Variants in KPNA1 observed in about 807,000 individuals in gnomAD.
KPNA1 encodes karyopherin subunit alpha 1, also known as importin subunit alpha-5.
In KPNA1, 10 loss-of-function variants were observed where a neutral mutation model predicts 70.5. The ratio of observed to expected loss-of-function variants is 0.14; its 90% CI spans 0.09 to 0.24. KPNA1 has a LOEUF of 0.24. Ranked by LOEUF, KPNA1 falls within the 10% of genes least tolerant of loss-of-function variation. The probability of loss-of-function intolerance (pLI) is 1.00; values close to 1 mark genes in which losing one functional copy is unlikely to be tolerated. For synonymous variants in KPNA1, 192 were observed against 221.9 expected (o/e 0.87, Z 1.20); for missense variants, 397 against 637.9 (o/e 0.62, Z 4.07).
rs1158948538 is a variant in KPNA1, at chr3:122,426,407, G to T, written c.*578C>A. ...GTTTAACTTTAATATCTGAAGAATG[G>T]CGCCAATAGAGGAAAGAAAACCATC... On this transcript the variant is annotated 3_prime_UTR_variant, in exon 14 of 14. Transcript: ENST00000344337. 6.6e-6 allele frequency: 1 copy of T among 152,570 alleles called. No individual in the cohort carries two copies. Among genetic ancestry groups the T allele is most frequent in the Non-Finnish European group, 1.5e-5 (1 of 68,030 alleles). The allele number at this position is 152,570 out of a possible 1,614,324, so 9.5% of individuals were successfully genotyped here.
At chr3:122,499,593 A>G (rs753194296) in intron 1 of KPNA1, among the ~76,000 whole-genome samples, 7 of 152,088 alleles carry the variant, frequency 4.6e-5, no homozygotes, top group Non-Finnish European at 1.0e-4. Context: ...TCTCTACAAA[A>G]AATTTAAAAA....
intron 10 of KPNA1, among the ~76,000 whole-genome samples, chr3:122,438,695 T>C (rs1465484094): frequency 6.6e-6 from 1 of 152,210 alleles, no homozygotes; most frequent in Non-Finnish European, 1.5e-5. Flanking sequence ...CAGGTATTTC[T>C]TTATAGCAAT....
intron 1 of KPNA1, among the ~76,000 whole-genome samples, chr3:122,500,295 T>A (rs1297761634): frequency 2.6e-5 from 4 of 152,008 alleles, no homozygotes; most frequent in Non-Finnish European, 5.9e-5. Flanking sequence ...CTACTTTTTG[T>A]ATTTTTAGTA....
intron 1 of KPNA1, among the ~76,000 whole-genome samples, chr3:122,507,369 T>C (rs1048554195): frequency 2.1e-5 from 3 of 146,150 alleles, no homozygotes; most frequent in African/African-American, 5.1e-5. Context: ...TGAACCCAGA[T>C]GGCAGAGGTT....
chr3:122,506,406 A>G (rs2076890989), intron 1 of KPNA1, among the ~76,000 whole-genome samples: 1 of 152,240 alleles, frequency 6.6e-6, no homozygotes, highest in African/African-American at 2.4e-5. Flanking sequence ...TTGAAAATAT[A>G]AATTATTGAT....
chr3:122,487,428 C>T (rs1047630771), intron 2 of KPNA1, among the ~76,000 whole-genome samples: 2 of 152,154 alleles, frequency 1.3e-5, no homozygotes, highest in Admixed American at 1.3e-4. Flanking sequence ...CAAAAGAATT[C>T]AAAACAGAAT....
In KPNA1 at chr3:122,427,674, G is replaced by A; in HGVS notation, c.1293C>T (p.Leu431=). Residue 431 remains leucine, a synonymous_variant, in exon 13 of 14, where the codon CTC becomes CTT. Coordinates refer to ENST00000344337, the MANE Select transcript of KPNA1 (RefSeq NM_002264.4). ...CAATCTTAGAGTCCATGACCGTGAGGAGATCACAGAGCGGCTTGATACAAC... is the reference window on the plus strand; with the variant it reads ...CAATCTTAGAGTCCATGACCGTGAGAAGATCACAGAGCGGCTTGATACAAC... ...ELGCIKPLCD[L]LTVMDSKIVQ... The A allele has an allele frequency of 6.2e-7, 1 of 1,613,138 alleles. No homozygotes were observed.
chr3:122,510,592 G>A (rs1053112990), intron 1 of KPNA1, among the ~76,000 whole-genome samples: 4 of 152,172 alleles, frequency 2.6e-5, no homozygotes, highest in African/African-American at 9.7e-5. Flanking sequence ...ATATTTGGAG[G>A]ATGGTAGAGA....
At chr3:122,465,165 G>A (rs1033725569) in intron 3 of KPNA1, among the ~76,000 whole-genome samples, 1 of 152,286 alleles carries the variant, frequency 6.6e-6, no homozygotes, top group Non-Finnish European at 1.5e-5. Flanking sequence ...TCAAGGACAG[G>A]AGTGAACATC....
chr3:122,505,517 T>C (rs962024108), intron 1 of KPNA1, among the ~76,000 whole-genome samples: 1 of 152,178 alleles, frequency 6.6e-6, no homozygotes, highest in African/African-American at 2.4e-5. Flanking sequence ...TATTTTTAGG[T>C]GTTATCACCT....
intron 9 of KPNA1, among the ~76,000 whole-genome samples, chr3:122,443,955 G>A (rs1257992377): frequency 5.3e-5 from 8 of 152,138 alleles, no homozygotes; most frequent in East Asian, 1.9e-4. Flanking sequence ...ACTAGAATTC[G>A]CCAGGCTGGA....
chr3:122,445,221 G>A (rs2076121051), intron 9 of KPNA1, among the ~76,000 whole-genome samples: 1 of 152,138 alleles, frequency 6.6e-6, no homozygotes. Flanking sequence ...AGACCTGATG[G>A]AGCTGAAAAC....
intron 1 of KPNA1, among the ~76,000 whole-genome samples, chr3:122,498,174 G>C (rs1217421870): frequency 6.6e-6 from 1 of 152,216 alleles, no homozygotes; most frequent in Non-Finnish European, 1.5e-5. Flanking sequence ...GCTATAGACT[G>C]AATGTGTGTC....
Position 122,427,465 on chromosome 3 carries a change from ATTG to A in KPNA1, c.1429+70_1429+72del, listed in dbSNP as rs1034971871. ...TCATCCAGTGCCTAGCAGTAGTAGT[ATTG>A]TTTTTACTGAACTCTATCTATGACC... On this transcript the variant is annotated intron_variant, in intron 13 of 13. Coordinates refer to ENST00000344337, the MANE Select transcript of KPNA1 (RefSeq NM_002264.4). The A allele has an allele frequency of 9.9e-6, 14 of 1,416,510 alleles. No individual in the cohort carries two copies. In the African/African-American group the frequency reaches 1.9e-4, roughly 19 times the overall value. The allele number at this position is 1,416,510 out of a possible 1,614,324, so 87.7% of individuals were successfully genotyped here. A position where few individuals can be genotyped will look rare whatever the true frequency, so the allele number is the denominator to read the frequency against.
At chr3:122,464,917 T>C (rs767078148) in intron 3 of KPNA1, among the ~76,000 whole-genome samples, 3 of 152,246 alleles carry the variant, frequency 2.0e-5, no homozygotes, top group Non-Finnish European at 2.9e-5. Context: ...TGACGCATTC[T>C]ACTCAAGAAT....
chr3:122,489,057 CGT>C (rs34002370), intron 2 of KPNA1, among the ~76,000 whole-genome samples: 7,728 of 130,622 alleles, frequency 0.059, 749 homozygotes, highest in African/African-American at 0.21. Flanking sequence ...TTTTTGCGTG[CGT>C]GTGTGTGTGT....
In KPNA1 at chr3:122,433,737, C is replaced by A. The variant is rs772368222; in HGVS notation, c.1174G>T (p.Ala392Ser). ...GCTTCTTTTCTTGTCCGAAATTCAGCAGTTTGTAAAATACTAATGAGGGCT... is the reference window on the plus strand; with the variant it reads ...GCTTCTTTTCTTGTCCGAAATTCAGAAGTTTGTAAAATACTAATGAGGGCT... ...FPALISILQTAEFRTRKEAAW... is the reference protein window; with the variant it reads ...FPALISILQTSEFRTRKEAAW... Residue 392 changes from alanine to serine, a missense_variant, in exon 12 of 14, where the codon GCT (alanine) becomes TCT (serine). Coordinates refer to ENST00000344337, the MANE Select transcript of KPNA1 (RefSeq NM_002264.4). The A allele has an allele frequency of 6.2e-7, 1 of 1,613,236 alleles. No homozygotes were observed. Among genetic ancestry groups the A allele is most frequent in the Non-Finnish European group, 8.5e-7 (1 of 1,179,576 alleles).
chr3:122,509,233 G>C lies in KPNA1; in HGVS notation c.-6+5524C>G, dbSNP rs2076927072. ...TGCACTCACTTGGGCAACTGAACAAGACTCTCTATCAAACAAAAAAAAAAA... is the reference window on the plus strand; with the variant it reads ...TGCACTCACTTGGGCAACTGAACAACACTCTCTATCAAACAAAAAAAAAAA... On this transcript the variant is annotated intron_variant, in intron 1 of 13. Transcript: ENST00000344337. Among the ~76,000 whole-genome samples, 13 of 147,304 alleles carry C rather than the reference G, an allele frequency of 8.8e-5. No individual in the cohort carries two copies. The Admixed American group carries it at 8.8e-4, about 10-fold the overall frequency.
chr3:122,464,522 C>G (rs567346423), intron 3 of KPNA1, among the ~76,000 whole-genome samples: 1 of 152,294 alleles, frequency 6.6e-6, no homozygotes, highest in South Asian at 2.1e-4. Context: ...CCCTGTCTGT[C>G]TTACTCTATC....
Sources: allele counts gnomAD v4.1 joint callset (sites outside exome capture counted in the v4.1 genomes callset), GRCh38; gene constraint gnomAD v4.1.1; transcripts MANE v1.5; gene names NCBI Gene and HGNC (gene_info 2026-07-23, HGNC 2026-07-21).